Variants in CADM2 observed in about 807,000 individuals in gnomAD.
The protein encoded by CADM2 is cell adhesion molecule 2.
A neutral mutation model predicts 49.8 loss-of-function variants in CADM2; 12 were observed. That is an observed-to-expected ratio of 0.24 (90% confidence interval 0.15 to 0.39). CADM2 has a LOEUF of 0.39. CADM2 is among the 10% of genes least tolerant of loss of function. The pLI is 1.00. For missense variants in CADM2, 378 were observed against 492.3 expected, an observed-to-expected ratio of 0.77 and a Z score of 2.20; for synonymous variants, 214 against 175.4, an observed-to-expected ratio of 1.22 and a Z score of -1.74.
At chr3:85,407,735 C>A (rs1426776923) in intron 1 of CADM2, among the ~76,000 whole-genome samples, 1 of 152,060 alleles carries the variant, frequency 6.6e-6, no homozygotes, top group Non-Finnish European at 1.5e-5. Context: ...GTAATCTCAG[C>A]ACTTTGAGAG....
intron 1 of CADM2, among the ~76,000 whole-genome samples, chr3:85,360,866 C>A (rs2032306396): frequency 6.6e-6 from 1 of 152,058 alleles, no homozygotes; most frequent in Non-Finnish European, 1.5e-5. Context: ...TGAGCCACTC[C>A]CTGGTTCAAA....
intron 1 of CADM2, among the ~76,000 whole-genome samples, chr3:85,459,137 C>G (rs1258334940): frequency 3.3e-5 from 5 of 152,108 alleles, no homozygotes; most frequent in Admixed American, 3.3e-4. Flanking sequence ...AAGTAAAAGT[C>G]ACTTGAACAA....
chr3:85,667,266 T>C (rs570888601), intron 1 of CADM2, among the ~76,000 whole-genome samples: 7 of 152,068 alleles, frequency 4.6e-5, no homozygotes, highest in Non-Finnish European at 8.8e-5. Flanking sequence ...GTAAAAATTA[T>C]TTTTAAAAGA....
rs1466605052 is a variant in CADM2, at chr3:85,568,400, TTTC to T, written c.62-158119_62-158117del. Among the ~76,000 whole-genome samples, 76 of 23,004 alleles carry T rather than the reference TTTC, an allele frequency of 3.3e-3. 6 individuals carry two copies. The highest frequency in any genetic ancestry group is 0.05 in the Middle Eastern group (2 of 40). The allele number at this position is 23,004 out of a possible 152,430, so 15.1% of individuals were successfully genotyped here. On this transcript the variant is annotated intron_variant, in intron 1 of 9. Coordinates refer to ENST00000383699, the MANE Select transcript of CADM2 (RefSeq NM_001167675.2). ...ACCTACAATCTTTCCTTCCTCCCTCTTTCTTTCTTTCTTTCTTTCTTTCTTTCT... is the reference window on the plus strand; with the variant it reads ...ACCTACAATCTTTCCTTCCTCCCTCTTTTCTTTCTTTCTTTCTTTCTTTCT...
chr3:85,823,288 C>G (rs1366624509), intron 3 of CADM2, among the ~76,000 whole-genome samples: 1 of 152,056 alleles, frequency 6.6e-6, no homozygotes, highest in Non-Finnish European at 1.5e-5. Context: ...TACGAAATAG[C>G]TAAGAACCCT....
At chr3:85,560,979 A>G (rs7621463) in intron 1 of CADM2, among the ~76,000 whole-genome samples, 12,428 of 152,154 alleles carry the variant, frequency 0.082, 982 homozygotes, top group African/African-American at 0.19. Context: ...ATGATAATAT[A>G]CAGTATTTAT....
intron 1 of CADM2, among the ~76,000 whole-genome samples, chr3:85,690,421 G>A (rs951682928): frequency 6.7e-6 from 1 of 149,748 alleles, no homozygotes; most frequent in Admixed American, 6.7e-5. Flanking sequence ...AGTAACATTG[G>A]AAGAAAAACA....
intron 1 of CADM2, among the ~76,000 whole-genome samples, chr3:85,712,053 A>G (rs1299565637): frequency 6.6e-6 from 1 of 152,170 alleles, no homozygotes; most frequent in African/African-American, 2.4e-5. Flanking sequence ...TTGACTTGAT[A>G]AAAAGTATTT....
chr3:85,629,620 G>A (rs1274121773), intron 1 of CADM2, among the ~76,000 whole-genome samples: 1 of 151,918 alleles, frequency 6.6e-6, no homozygotes, highest in Non-Finnish European at 1.5e-5. Flanking sequence ...CTATTATTTA[G>A]TCTTCACAAT....
chr3:85,942,131 TG>T (rs1559755951), intron 7 of CADM2, among the ~76,000 whole-genome samples: 1 of 152,046 alleles, frequency 6.6e-6, no homozygotes, highest in Non-Finnish European at 1.5e-5. Flanking sequence ...TTAGCATTGA[TG>T]TTTTTCACAA....
At chr3:85,277,193 T>C (rs1384965347) in intron 1 of CADM2, among the ~76,000 whole-genome samples, 2 of 151,380 alleles carry the variant, frequency 1.3e-5, no homozygotes, top group Admixed American at 6.6e-5. Context: ...AGTAATCTTT[T>C]ATCTGCACTA....
chr3:85,654,618 A>G (rs1464136462), intron 1 of CADM2, among the ~76,000 whole-genome samples: 1 of 152,218 alleles, frequency 6.6e-6, no homozygotes, highest in Non-Finnish European at 1.5e-5. Flanking sequence ...AAAATGTCCT[A>G]GGGAAATAGA....
At chr3:85,004,092 A>G (rs1049651183) in intron 1 of CADM2, among the ~76,000 whole-genome samples, 4 of 152,184 alleles carry the variant, frequency 2.6e-5, no homozygotes, top group Non-Finnish European at 5.9e-5. Flanking sequence ...GTGGTAAAAC[A>G]ATATCTTACA....
chr3:85,268,442 A>T (rs2043167684), intron 1 of CADM2, among the ~76,000 whole-genome samples: 1 of 151,418 alleles, frequency 6.6e-6, no homozygotes, highest in Non-Finnish European at 1.5e-5. Context: ...TAAATACTAA[A>T]AATTTTATTA....
chr3:84,978,832 C>A (rs1435252686), intron 1 of CADM2, among the ~76,000 whole-genome samples: 1 of 152,106 alleles, frequency 6.6e-6, no homozygotes, highest in Non-Finnish European at 1.5e-5. Flanking sequence ...TATGTTTTAG[C>A]AAAATTGGAT....
intron 3 of CADM2, among the ~76,000 whole-genome samples, chr3:85,871,161 A>G (rs1252813871): frequency 6.6e-6 from 1 of 152,216 alleles, no homozygotes; most frequent in Non-Finnish European, 1.5e-5. Context: ...TCTAATATCC[A>G]GCAACTATAA....
chr3:85,026,577 C>T (rs2034737746), intron 1 of CADM2, among the ~76,000 whole-genome samples: 1 of 151,860 alleles, frequency 6.6e-6, no homozygotes, highest in African/African-American at 2.4e-5. Context: ...CCTATGCTAC[C>T]AATACACATG....
At chr3:85,894,172 A>G (rs967135381) in intron 5 of CADM2, among the ~76,000 whole-genome samples, 78 of 151,418 alleles carry the variant, frequency 5.2e-4, no homozygotes, top group Admixed American at 4.3e-3. Flanking sequence ...CAGCCATAAA[A>G]AATGATGAGT....
At chr3:85,719,221 A>G (rs139186894) in intron 1 of CADM2, among the ~76,000 whole-genome samples, 83 of 152,324 alleles carry the variant, frequency 5.4e-4, no homozygotes, top group African/African-American at 2.0e-3. Flanking sequence ...ATTTACACAT[A>G]TGATAAATTG....
Sources: gnomAD v4.1 joint callset for allele counts (sites outside exome capture counted in the v4.1 genomes callset) on GRCh38, gnomAD v4.1.1 for gene constraint, MANE v1.5 for transcripts, NCBI Gene and HGNC (gene_info 2026-07-23, HGNC 2026-07-21) for gene names.